Variants in NOC3L observed in about 807,000 individuals in gnomAD.
NOC3L encodes NOC3 like DNA replication regulator, also known as nucleolar complex protein 3 homolog.
A neutral mutation model predicts 102.5 loss-of-function variants in NOC3L; 85 were observed. The observed-to-expected ratio is 0.83, with a 90% CI of 0.70 to 0.99. NOC3L has a LOEUF of 0.99. NOC3L is among the 50% of genes least tolerant of loss of function. The pLI, the probability that NOC3L is intolerant of heterozygous loss-of-function variation, is 0.00. For synonymous variants in NOC3L, 303 were observed against 309.4 expected (o/e 0.98, Z 0.22); for missense variants, 878 against 914.9 (o/e 0.96, Z 0.52).
chr10:94,353,081 G>T, intron 6 of NOC3L, 24 bp from the exon 7 acceptor site: 1 of 1,567,920 alleles, frequency 6.4e-7, no homozygotes. Context: ...AGCTTATAAA[G>T]CTGGAGAAAT....
downstream of NOC3L, chr10:94,328,765 G>GAAAT (rs1420756216): frequency 8.5e-5 from 13 of 152,180 alleles, no homozygotes; most frequent in African/African-American, 9.6e-5. Context: ...TTTACATATA[G>GAAAT]AAATAATATT....
chr10:94,335,025 T>C (rs1200170839), intron 19 of NOC3L, among the ~76,000 whole-genome samples: 1 of 152,206 alleles, frequency 6.6e-6, no homozygotes, highest in African/African-American at 2.4e-5. Context: ...ATAATGCAAC[T>C]AAGTATATCT....
chr10:94,349,309 C>G lies in NOC3L; in HGVS notation c.1198G>C (p.Gly400Arg). 1 of 1,586,380 alleles carries G rather than the reference C, an allele frequency of 6.3e-7. No individual in the cohort carries two copies. Among genetic ancestry groups the G allele is most frequent in the Non-Finnish European group, 8.5e-7 (1 of 1,170,772 alleles). Residue 400 changes from glycine (G) to arginine (R), a missense_variant, in exon 10 of 21, where the codon GGT (glycine) becomes CGT (arginine). Coordinates refer to ENST00000371361, the MANE Select transcript of NOC3L (RefSeq NM_022451.11). ...AAACCAGAAATCACTTTAATTACACCAAGAGAAGCTTGGCCTAATTTATCT... is the reference window on the plus strand; with the variant it reads ...AAACCAGAAATCACTTTAATTACACGAAGAGAAGCTTGGCCTAATTTATCT... Reference protein sequence around the residue: ...KQDKLGQASLGVIKVISGFVK... With the variant: ...KQDKLGQASLRVIKVISGFVK...
Position 94,346,566 on chromosome 10 carries a change from G to T in NOC3L, c.1258-10C>A. The T allele has an allele frequency of 7.7e-7, 1 of 1,301,150 alleles. No homozygotes were observed. The highest frequency in any genetic ancestry group is 1.0e-6 in the Non-Finnish European group (1 of 972,384). The allele number at this position is 1,301,150 out of a possible 1,614,324, so 80.6% of individuals were successfully genotyped here. ...AAAATGTTTTTAACATCTAATATTGGAAAAAAAACACAAATATACAGCTTA... is the reference window on the plus strand; with the variant it reads ...AAAATGTTTTTAACATCTAATATTGTAAAAAAAACACAAATATACAGCTTA... On this transcript the variant is annotated splice_polypyrimidine_tract_variant and intron_variant, in intron 10 of 20. Transcript: ENST00000371361.
At chr10:94,349,139 G>T (rs2133999336) in intron 10 of NOC3L, 111 bp downstream of exon 10, 3 of 1,180,866 alleles carry the variant, frequency 2.5e-6, no homozygotes, top group Non-Finnish European at 3.5e-6. Context: ...CACTTAAGGA[G>T]CTTGAATACT....
At chr10:94,344,773 G>T in intron 12 of NOC3L, 80 bp downstream of exon 12, 1 of 1,212,540 alleles carries the variant, frequency 8.2e-7, no homozygotes, top group Non-Finnish European at 1.2e-6. Context: ...AAATTACACA[G>T]CTACAAGCTG....
the NOC3L span, chr10:94,316,501 T>C: frequency 8.1e-7 from 1 of 1,240,052 alleles, no homozygotes; most frequent in Non-Finnish European, 1.2e-6. Flanking sequence ...TTGATTTGTT[T>C]TAAGTTTTTG....
the NOC3L span, among the ~76,000 whole-genome samples, chr10:94,323,272 A>C: frequency 6.6e-6 from 1 of 152,166 alleles, no homozygotes; most frequent in African/African-American, 2.4e-5. Context: ...AGGGTAGGCC[A>C]TTCATCAAAC....
chr10:94,359,119 G>C (rs934891072), intron 2 of NOC3L, among the ~76,000 whole-genome samples: 2 of 151,994 alleles, frequency 1.3e-5, no homozygotes, highest in African/African-American at 4.8e-5. Context: ...AATTCTTCCT[G>C]ACCCATTAAA....
chr10:94,334,574 A>G, intron 20 of NOC3L, 60 bp downstream of exon 20: 2 of 1,206,228 alleles, frequency 1.7e-6, no homozygotes, highest in Non-Finnish European at 2.4e-6. Flanking sequence ...CTGGAGTTAG[A>G]GTTATTGAGA....
chr10:94,334,482 T>C (rs961823643), intron 20 of NOC3L, 152 bp downstream of exon 20: 2 of 668,332 alleles, frequency 3.0e-6, no homozygotes, highest in Non-Finnish European at 5.0e-6. Context: ...ATCATCTCTA[T>C]AGAATTTCAA....
intron 3 of NOC3L, chr10:94,357,608 A>C (rs1242104553): frequency 3.7e-6 from 1 of 267,032 alleles, no homozygotes; most frequent in African/African-American, 2.2e-5. Context: ...ATTCTTTATG[A>C]AGAACAGTTC....
Position 94,341,738 on chromosome 10 carries a change from G to T in NOC3L, c.1579C>A (p.His527Asn). 6.4e-7 allele frequency: 1 copy of T among 1,550,548 alleles called. No individual in the cohort carries two copies. Among genetic ancestry groups the T allele is most frequent in the Non-Finnish European group, 8.7e-7 (1 of 1,146,216 alleles). The change falls in exon 14 of 21, where the codon CAC (histidine) becomes AAC (asparagine). Residue 527 changes from histidine (H) to asparagine (N), a missense_variant. By Grantham distance (68) the His-to-Asn change is moderately conservative. Coordinates refer to ENST00000371361, the MANE Select transcript of NOC3L (RefSeq NM_022451.11). Reference sequence around the variant, plus strand: ...TCAAAAAATTCCACATTTATAAGGTGAGCAAACCTGGAATCAAACAAAACA... The same window carrying T: ...TCAAAAAATTCCACATTTATAAGGTTAGCAAACCTGGAATCAAACAAAACA... ...AVLEGLAKFA[H>N]LINVEFFDDL...
chr10:94,352,816 T>C (rs549442510), intron 7 of NOC3L, 80 bp downstream of exon 7: 5 of 1,260,880 alleles, frequency 4.0e-6, no homozygotes, highest in South Asian at 1.3e-5. Context: ...AGTAAAACTC[T>C]GCCTCAAAAA....
the NOC3L span, among the ~76,000 whole-genome samples, chr10:94,322,675 C>A: frequency 6.6e-6 from 1 of 151,818 alleles, no homozygotes; most frequent in African/African-American, 2.4e-5. Context: ...ATCCCAGCTA[C>A]TTGGGAGGCT....
chr10:94,346,483 G>A lies in NOC3L; in HGVS notation c.1331C>T (p.Pro444Leu). 1 of 1,495,352 alleles carries A rather than the reference G, an allele frequency of 6.7e-7. No individual in the cohort carries two copies. The highest frequency in any genetic ancestry group is 2.6e-5 in the East Asian group (1 of 38,774). The allele number at this position is 1,495,352 out of a possible 1,614,324, so 92.6% of individuals were successfully genotyped here. A position where few individuals can be genotyped will look rare whatever the true frequency, so the allele number is the denominator to read the frequency against. The change falls in exon 11 of 21, where the codon CCA (proline) becomes CTA (leucine). Residue 444 changes from proline to leucine, a missense_variant. Coordinates refer to ENST00000371361, the MANE Select transcript of NOC3L (RefSeq NM_022451.11). ...VKKDTEDINK[P>L]KKFMTFKEKR... is the part of the protein sequence containing the mutation. ...TTCTTTGAAAGTCATAAATTTTTTT[G>A]GTTTATTAATGTCTTCTGTATCTTT...
At position 94,341,707 on chromosome 10, in the gene NOC3L, A is replaced by G; in HGVS notation, c.1610T>C (p.Leu537Pro). ...HLINVEFFDD[L>P]LVVLHTLIES... ...AATGAGAGTATGAAGAACTACTAAC[A>G]GATCATCAAAAAATTCCACATTTAT... The change falls in exon 14 of 21, where the codon CTG (leucine) becomes CCG (proline). Residue 537 changes from leucine (L) to proline (P), a missense_variant. Leu to Pro is a moderately conservative substitution (Grantham distance 98, BLOSUM62 -3). Transcript: ENST00000371361. 6.4e-7 allele frequency: 1 copy of G among 1,570,938 alleles called. No individual in the cohort carries two copies. Among genetic ancestry groups the G allele is most frequent in the Non-Finnish European group, 8.6e-7 (1 of 1,156,300 alleles).
the NOC3L span, among the ~76,000 whole-genome samples, chr10:94,320,642 C>A: frequency 6.6e-6 from 1 of 152,166 alleles, no homozygotes; most frequent in East Asian, 1.9e-4. Flanking sequence ...GTTTTCCTGC[C>A]AAGACCTCAC....
At chr10:94,359,283 A>G (rs1457285453) in intron 2 of NOC3L, among the ~76,000 whole-genome samples, 1 of 152,094 alleles carries the variant, frequency 6.6e-6, no homozygotes, top group Admixed American at 6.6e-5. Context: ...AAAATTAGTG[A>G]GGCGTGGTGG....
Sources: allele counts gnomAD v4.1 joint callset (sites outside exome capture counted in the v4.1 genomes callset), GRCh38; gene constraint gnomAD v4.1.1; transcripts MANE v1.5; gene names NCBI Gene and HGNC (gene_info 2026-07-23, HGNC 2026-07-21).